The following ADAMTS12 variants were observed in gnomAD, a reference collection of about 807,000 sequenced individuals.
ADAMTS12 encodes ADAM metallopeptidase with thrombospondin type 1 motif 12, also known as A disintegrin and metalloproteinase with thrombospondin motifs 12.
A neutral mutation model predicts 167.8 loss-of-function variants in ADAMTS12; 118 were observed. The observed-to-expected ratio is 0.70, with a 90% CI of 0.61 to 0.82. The LOEUF (loss-of-function observed/expected upper bound fraction) is 0.82, where lower values mean the gene tolerates loss of function less well. ADAMTS12 is among the 40% of genes least tolerant of loss of function. ADAMTS12 has a pLI of 0.00. For synonymous variants in ADAMTS12, 704 were observed against 716.9 expected, an observed-to-expected ratio of 0.98 and a Z score of 0.29; for missense variants, 1,916 against 1,998.8, an observed-to-expected ratio of 0.96 and a Z score of 0.79.
At chr5:33,717,495 G>C (rs1023527996) in intron 3 of ADAMTS12, among the ~76,000 whole-genome samples, 6 of 152,112 alleles carry the variant, frequency 3.9e-5, no homozygotes, top group African/African-American at 1.4e-4. Flanking sequence ...TTTTACAGAC[G>C]AGGGAAGTTA....
intron 5 of ADAMTS12, among the ~76,000 whole-genome samples, chr5:33,670,043 A>G (rs1741616631): frequency 6.6e-6 from 1 of 152,146 alleles, no homozygotes; most frequent in African/African-American, 2.4e-5. Context: ...GCTTTGAGAG[A>G]AACCTTATGA....
intron 23 of ADAMTS12, among the ~76,000 whole-genome samples, chr5:33,530,090 T>A (rs1744022719): frequency 6.6e-6 from 1 of 151,732 alleles, no homozygotes; most frequent in Admixed American, 6.6e-5. Flanking sequence ...CAGCTAATTT[T>A]TTTTTTTGTA....
intron 6 of ADAMTS12, among the ~76,000 whole-genome samples, chr5:33,660,287 C>T (rs1579809336): frequency 6.6e-6 from 1 of 152,148 alleles, no homozygotes; most frequent in African/African-American, 2.4e-5. Context: ...GGTCAAACTA[C>T]CTGGACTTAA....
chr5:33,734,167 C>G (rs1251638341), intron 3 of ADAMTS12, among the ~76,000 whole-genome samples: 1 of 152,204 alleles, frequency 6.6e-6, no homozygotes, highest in Non-Finnish European at 1.5e-5. Context: ...AATATCCTTC[C>G]TTTCCTCCAT....
intron 2 of ADAMTS12, among the ~76,000 whole-genome samples, chr5:33,801,605 G>GA (rs1199992916): frequency 6.6e-6 from 1 of 152,020 alleles, no homozygotes; most frequent in Non-Finnish European, 1.5e-5. Flanking sequence ...TGTCCTTTCA[G>GA]AAAAAACAAG....
intron 18 of ADAMTS12, among the ~76,000 whole-genome samples, chr5:33,583,762 C>T (rs1747197621): frequency 1.3e-5 from 2 of 152,220 alleles, no homozygotes; most frequent in African/African-American, 4.8e-5. Flanking sequence ...AGCACCTTTT[C>T]ATATGCCTGC....
At chr5:33,604,353 T>C (rs1398040634) in intron 16 of ADAMTS12, among the ~76,000 whole-genome samples, 1 of 152,028 alleles carries the variant, frequency 6.6e-6, no homozygotes, top group Non-Finnish European at 1.5e-5. Context: ...ATTACAAAAT[T>C]AGCTGGGTGT....
At chr5:33,645,032 G>T (rs1410263953) in intron 9 of ADAMTS12, among the ~76,000 whole-genome samples, 2 of 152,030 alleles carry the variant, frequency 1.3e-5, no homozygotes, top group Non-Finnish European at 2.9e-5. Context: ...ACCCGGCCTA[G>T]GGTGGCTTTA....
intron 3 of ADAMTS12, among the ~76,000 whole-genome samples, chr5:33,704,669 T>C (rs1561224722): frequency 6.6e-6 from 1 of 152,196 alleles, no homozygotes; most frequent in Non-Finnish European, 1.5e-5. Context: ...CCTATTTAGG[T>C]CCTCTGCCTA....
At chr5:33,830,236 C>T (rs773922250) in intron 2 of ADAMTS12, among the ~76,000 whole-genome samples, 1 of 152,100 alleles carries the variant, frequency 6.6e-6, no homozygotes, top group Non-Finnish European at 1.5e-5. Flanking sequence ...GCCATTGTAC[C>T]ACCCAGATCC....
intron 7 of ADAMTS12, among the ~76,000 whole-genome samples, chr5:33,651,264 A>G (rs977370951): frequency 6.6e-6 from 1 of 152,234 alleles, no homozygotes; most frequent in African/African-American, 2.4e-5. Context: ...CTAAAAACCT[A>G]CATGAATAAT....
intron 2 of ADAMTS12, among the ~76,000 whole-genome samples, chr5:33,765,163 A>G (rs1028503647): frequency 2.6e-5 from 4 of 152,214 alleles, no homozygotes; most frequent in African/African-American, 9.6e-5. Flanking sequence ...CTTAGATTCA[A>G]CAAGTATTTT....
chr5:33,850,176 C>T (rs1024666598), intron 2 of ADAMTS12, among the ~76,000 whole-genome samples: 2 of 152,094 alleles, frequency 1.3e-5, no homozygotes, highest in African/African-American at 2.4e-5. Flanking sequence ...TTACCACGAG[C>T]GTCTAATGGT....
At chr5:33,701,324 A>G (rs1742995331) in intron 3 of ADAMTS12, among the ~76,000 whole-genome samples, 1 of 152,072 alleles carries the variant, frequency 6.6e-6, no homozygotes, top group East Asian at 1.9e-4. Context: ...CTCTCTTCCA[A>G]AATTTGTTCT....
chr5:33,829,779 T>G (rs1373624416), intron 2 of ADAMTS12, among the ~76,000 whole-genome samples: 1 of 152,192 alleles, frequency 6.6e-6, no homozygotes, highest in East Asian at 1.9e-4. Context: ...CAAATTCTCC[T>G]TTAAAAATGG....
chr5:33,661,822 T>G, intron 6 of ADAMTS12, 94 bp downstream of exon 6: 43 of 1,532,830 alleles, frequency 2.8e-5, no homozygotes, highest in Non-Finnish European at 3.5e-5. Flanking sequence ...CAAAGAATAG[T>G]GAGAATGTCA....
intron 22 of ADAMTS12, among the ~76,000 whole-genome samples, chr5:33,536,279 G>GC (rs1426330182): frequency 6.6e-6 from 1 of 152,170 alleles, no homozygotes; most frequent in African/African-American, 2.4e-5. Flanking sequence ...GGGACTACAG[G>GC]CGTGTGCCAC....
intron 3 of ADAMTS12, among the ~76,000 whole-genome samples, chr5:33,748,613 T>G (rs1176279309): frequency 6.6e-6 from 1 of 152,144 alleles, no homozygotes; most frequent in Non-Finnish European, 1.5e-5. Context: ...AGCACTAGGG[T>G]ACTTTTAAAT....
chr5:33,624,342 A>G lies in ADAMTS12; in HGVS notation c.2032T>C (p.Cys678Arg), dbSNP rs1360798614. The change falls in exon 14 of 24, where the codon TGT (cysteine) becomes CGT (arginine). Residue 678 changes from cysteine (C) to arginine (R), a missense_variant. Physicochemically the swap from Cys to Arg is radical, Grantham distance 180. Transcript: ENST00000504830. ...GCATTGGAATCGATCTCATAGTCAC[A>G]GCCAACCATCTGTGGGGAAGAGAGG... ...CINGICKMVG[C>R]DYEIDSNATE... 1 of 1,614,032 alleles carries G rather than the reference A, an allele frequency of 6.2e-7. No homozygotes were observed. Among genetic ancestry groups the G allele is most frequent in the Admixed American group, 1.7e-5 (1 of 60,028 alleles).
Sources: gnomAD v4.1 joint callset for allele counts (sites outside exome capture counted in the v4.1 genomes callset) on GRCh38, gnomAD v4.1.1 for gene constraint, MANE v1.5 for transcripts, NCBI Gene and HGNC (gene_info 2026-07-23, HGNC 2026-07-21) for gene names.